Variants in ARHGAP35 observed in about 807,000 individuals in gnomAD.
ARHGAP35 encodes Rho GTPase activating protein 35, also known as rho GTPase-activating protein 35.
ARHGAP35 carries 15 observed loss-of-function variants against 111.1 expected under a neutral mutation model. That is an observed-to-expected ratio of 0.13 (90% confidence interval 0.09 to 0.21). The LOEUF is 0.21. ARHGAP35 is among the 10% of genes least tolerant of loss of function. ARHGAP35 has a pLI of 1.00. For missense variants in ARHGAP35, 1,262 were observed against 1,873.0 expected (o/e 0.67, Z 6.02); for synonymous variants, 643 against 710.3 (o/e 0.91, Z 1.51).
chr19:46,909,502 T>G (rs1008492344), intron 1 of ARHGAP35, among the ~76,000 whole-genome samples: 2 of 152,050 alleles, frequency 1.3e-5, no homozygotes, highest in African/African-American at 4.8e-5. Flanking sequence ...GACGACGTGT[T>G]TCAAGACCAG....
chr19:46,862,877 C>T (rs2055836415), intron 1 of ARHGAP35, among the ~76,000 whole-genome samples: 1 of 152,122 alleles, frequency 6.6e-6, no homozygotes, highest in African/African-American at 2.4e-5. Context: ...TGCCTCTTGT[C>T]TTCTTTTGGA....
At chr19:46,869,030 G>A (rs530645683) in intron 1 of ARHGAP35, among the ~76,000 whole-genome samples, 17 of 147,122 alleles carry the variant, frequency 1.2e-4, no homozygotes, top group Admixed American at 4.2e-4. Context: ...TTCAGCCTCC[G>A]AAGTAGCTGG....
Position 47,001,551 on chromosome 19 carries a change from G to A in ARHGAP35, c.*863G>A. ...ACCAGGATGCCTGGAGCTGTGGCCT[G>A]AGGGCCTGCTGGGGTCCCACTCACC... On this transcript the variant is annotated 3_prime_UTR_variant, in exon 7 of 7. Transcript: ENST00000672722. The surrounding 1 kb of genome is among the most constrained non-coding windows in gnomAD (Gnocchi z 5.4). 3.8e-6 allele frequency: 2 copies of A among 528,088 alleles called. No homozygotes were observed. Among genetic ancestry groups the A allele is most frequent in the South Asian group, 1.9e-5 (1 of 51,884 alleles). 32.7% of individuals were successfully genotyped at this position (528,088 alleles called of 1,614,324 possible).
chr19:46,984,497 C>A (rs1358305494), intron 3 of ARHGAP35, among the ~76,000 whole-genome samples: 1 of 152,180 alleles, frequency 6.6e-6, no homozygotes, highest in African/African-American at 2.4e-5. Flanking sequence ...TCCCTGCAGC[C>A]TTGGTGGTGT....
intron 5 of ARHGAP35, among the ~76,000 whole-genome samples, chr19:46,991,657 G>A (rs1055997910): frequency 2.6e-5 from 4 of 152,208 alleles, no homozygotes; most frequent in African/African-American, 9.6e-5. Context: ...GAGAGGAGAA[G>A]ATCTTGCTGA....
intron 1 of ARHGAP35, among the ~76,000 whole-genome samples, chr19:46,874,142 G>C (rs1359021909): frequency 6.6e-6 from 1 of 152,176 alleles, no homozygotes; most frequent in Non-Finnish European, 1.5e-5. Context: ...TTGTTAAGCA[G>C]AAGAGGGAAC....
chr19:46,877,846 ACAGGCGCCT>A (rs1327725050), intron 1 of ARHGAP35, among the ~76,000 whole-genome samples: 1 of 151,640 alleles, frequency 6.6e-6, no homozygotes, highest in Non-Finnish European at 1.5e-5. Flanking sequence ...AGCTGGGATT[ACAGGCGCCT>A]GCCACCGCGC....
intron 3 of ARHGAP35, among the ~76,000 whole-genome samples, chr19:46,983,791 A>G (rs2056634172): frequency 6.6e-6 from 1 of 151,104 alleles, no homozygotes; most frequent in South Asian, 2.1e-4. Flanking sequence ...TTTTTTTTGT[A>G]TTTTTAGTAG....
intron 3 of ARHGAP35, among the ~76,000 whole-genome samples, chr19:46,952,116 T>G (rs189765729): frequency 5.3e-4 from 80 of 152,374 alleles, no homozygotes; most frequent in African/African-American, 1.8e-3. Flanking sequence ...AGGTGATGGA[T>G]ATCCTAATCA....
chr19:46,867,238 C>G (rs886169127), intron 1 of ARHGAP35, among the ~76,000 whole-genome samples: 1 of 152,156 alleles, frequency 6.6e-6, no homozygotes, highest in Non-Finnish European at 1.5e-5. Context: ...TCTCATCTTC[C>G]TTTATTGAAA....
chr19:46,898,655 AG>A (rs1409180477), intron 1 of ARHGAP35, among the ~76,000 whole-genome samples: 10 of 152,216 alleles, frequency 6.6e-5, no homozygotes, highest in African/African-American at 2.2e-4. Flanking sequence ...CTTAAATGCA[AG>A]GGATTTATTA....
chr19:46,901,355 C>T lies in ARHGAP35; in HGVS notation c.-188-17133C>T, dbSNP rs1358311208. On this transcript the variant is annotated intron_variant, in intron 1 of 6. Transcript: ENST00000672722. This position sits in a 1 kb window ranked among gnomAD's most constrained non-coding sequence, Gnocchi z 4.5. The stretch of plus-strand genomic sequence containing the variant: ...GGTGGATCACTTGAGGTCAGGAGTT[C>T]GAGACCAGCCTGGCCAACATGGTGA... 1.3e-5 allele frequency among the ~76,000 whole-genome samples: 2 copies of T among 152,126 alleles called. No homozygotes were observed. Among genetic ancestry groups the T allele is most frequent in the South Asian group, 2.1e-4 (1 of 4,820 alleles).
At chr19:46,939,409 ATTT>A (rs1250289932) in intron 3 of ARHGAP35, among the ~76,000 whole-genome samples, 1 of 114,022 alleles carries the variant, frequency 8.8e-6, no homozygotes, top group East Asian at 2.1e-4. Context: ...TTATTTATTT[ATTT>A]ATTATTTAAT....
At chr19:46,907,066 T>G (rs535823159) in intron 1 of ARHGAP35, among the ~76,000 whole-genome samples, 28 of 152,332 alleles carry the variant, frequency 1.8e-4, no homozygotes, top group Middle Eastern at 6.8e-3. Context: ...GGCTCCAACC[T>G]GGGTGATAGA....
chr19:46,936,285 A>G (rs1200408844), intron 2 of ARHGAP35, among the ~76,000 whole-genome samples: 1 of 152,190 alleles, frequency 6.6e-6, no homozygotes, highest in Non-Finnish European at 1.5e-5. Context: ...TAGTCTGTGC[A>G]TAGTAAGTTC....
intron 1 of ARHGAP35, among the ~76,000 whole-genome samples, chr19:46,867,758 TTTGTTG>T (rs574337716): frequency 2.0e-5 from 3 of 152,124 alleles, no homozygotes; most frequent in South Asian, 2.1e-4. Flanking sequence ...GCTAAAGTTT[TTTGTTG>T]TTGTTGTTGT....
At chr19:46,898,207 A>G (rs2056066798) in intron 1 of ARHGAP35, among the ~76,000 whole-genome samples, 1 of 150,042 alleles carries the variant, frequency 6.7e-6, no homozygotes, top group African/African-American at 2.5e-5. Flanking sequence ...GCGCCACTGC[A>G]CTCCAGCCTG....
At chr19:46,865,155 AGGT>A (rs2055848418) in intron 1 of ARHGAP35, among the ~76,000 whole-genome samples, 2 of 152,168 alleles carry the variant, frequency 1.3e-5, no homozygotes, top group Non-Finnish European at 2.9e-5. Context: ...CAGAAATGTG[AGGT>A]GGTAGCCTTG....
chr19:47,000,315 T>G lies in ARHGAP35; in HGVS notation c.4143-16T>G. 6.2e-7 allele frequency: 1 copy of G among 1,611,672 alleles called. No homozygotes were observed. Among genetic ancestry groups the G allele is most frequent in the Non-Finnish European group, 8.5e-7 (1 of 1,178,590 alleles). On this transcript the variant is annotated splice_polypyrimidine_tract_variant and intron_variant, in intron 6 of 6. Transcript: ENST00000672722. The surrounding 1 kb of genome is among the most constrained non-coding windows in gnomAD (Gnocchi z 6.9). The stretch of plus-strand genomic sequence containing the variant: ...CCCTGCACAGTTCTGACCATTGAGT[T>G]TGGTGTCGCCCGCAGGGTCAGCCAC...
Sources: allele counts gnomAD v4.1 joint callset (sites outside exome capture counted in the v4.1 genomes callset), GRCh38; gene constraint gnomAD v4.1.1; non-coding constraint Gnocchi (gnomAD v3.1); transcripts MANE v1.5; gene names NCBI Gene and HGNC (gene_info 2026-07-23, HGNC 2026-07-21).